WSCD2: variants seen among roughly 807,000 people sequenced by gnomAD.
WSCD2 encodes sialate:O-sulfotransferase 2.
Under a neutral mutation model 55.7 loss-of-function variants are expected in WSCD2, and 28 were observed. That is an observed-to-expected ratio of 0.50 (90% CI 0.37 to 0.69). The LOEUF (loss-of-function observed/expected upper bound fraction) is 0.69. Ranked by LOEUF, WSCD2 falls within the 30% of genes least tolerant of loss-of-function variation. The pLI is 0.00. For synonymous variants in WSCD2, 301 were observed against 301.9 expected (o/e 1.00, Z 0.03); for missense variants, 616 against 762.1 (o/e 0.81, Z 2.26).
intron 6 of WSCD2, among the ~76,000 whole-genome samples, chr12:108,232,227 C>T (rs915714536): frequency 1.3e-5 from 2 of 152,174 alleles, no homozygotes; most frequent in Admixed American, 1.3e-4. Context: ...TTCTCTAGCC[C>T]TCAGTTTTCT....
intron 1 of WSCD2, among the ~76,000 whole-genome samples, chr12:108,191,985 TAGAGA>T (rs1441533183): frequency 6.6e-6 from 1 of 152,082 alleles, no homozygotes; most frequent in Non-Finnish European, 1.5e-5. Flanking sequence ...CGCACCCACT[TAGAGA>T]AGAGATGTGT....
intron 1 of WSCD2, among the ~76,000 whole-genome samples, chr12:108,187,226 G>C (rs1244137377): frequency 6.6e-6 from 1 of 152,186 alleles, no homozygotes; most frequent in Non-Finnish European, 1.5e-5. Context: ...GTCTGCCTCT[G>C]TAAGCAAGGG....
In WSCD2 at chr12:108,239,332, TCCC is replaced by T. The variant is rs571112400; in HGVS notation, c.1145-1009_1145-1007del. On this transcript the variant is annotated intron_variant, in intron 7 of 8. Transcript: ENST00000547525. ...TTCAGTTCTATGCTTAAGCATCTCT[TCCC>T]CCAGGAAACCTTTCTGGATGCCACT... 2.5e-3 allele frequency among the ~76,000 whole-genome samples: 385 copies of T among 152,288 alleles called. 1 individual carries two copies. Among genetic ancestry groups the T allele is most frequent in the African/African-American group, 8.9e-3 (370 of 41,568 alleles).
At chr12:108,141,301 A>G (rs867840365) in intron 1 of WSCD2, among the ~76,000 whole-genome samples, 1 of 152,108 alleles carries the variant, frequency 6.6e-6, no homozygotes, top group Admixed American at 6.5e-5. Flanking sequence ...GAGTCTCACT[A>G]TATTGCCTAG....
intron 1 of WSCD2, chr12:108,131,953 T>A (rs1177663939): frequency 6.6e-6 from 1 of 152,196 alleles, no homozygotes; most frequent in African/African-American, 2.4e-5. Context: ...CAGCTGACGC[T>A]TGAGAACTAC....
At chr12:108,219,119 G>C (rs1447249095) in intron 4 of WSCD2, among the ~76,000 whole-genome samples, 2 of 152,162 alleles carry the variant, frequency 1.3e-5, no homozygotes, top group Non-Finnish European at 2.9e-5. Flanking sequence ...TCAGCCAGCT[G>C]GTTGCCAGGC....
intron 2 of WSCD2, among the ~76,000 whole-genome samples, chr12:108,204,586 C>A (rs375350871): frequency 6.6e-6 from 1 of 152,190 alleles, no homozygotes; most frequent in Non-Finnish European, 1.5e-5. Context: ...GTGGGAGGGG[C>A]GCGCGCTGTT....
chr12:108,154,836 T>C (rs1458277169), intron 1 of WSCD2, among the ~76,000 whole-genome samples: 1 of 152,248 alleles, frequency 6.6e-6, no homozygotes, highest in African/African-American at 2.4e-5. Flanking sequence ...TGCTTCATTC[T>C]AAGCAATAAT....
chr12:108,211,630 C>CAT (rs56944563), intron 4 of WSCD2, among the ~76,000 whole-genome samples: 2,191 of 138,464 alleles, frequency 0.016, 29 homozygotes, highest in African/African-American at 0.034. Context: ...TTTCAAATCC[C>CAT]ATATATATAT....
chr12:108,217,701 C>G (rs1887008871), intron 4 of WSCD2, among the ~76,000 whole-genome samples: 1 of 152,210 alleles, frequency 6.6e-6, no homozygotes, highest in Non-Finnish European at 1.5e-5. Context: ...AGGAGATTAA[C>G]TGCTCCTGGA....
chr12:108,224,077 G>A (rs1044471669), intron 4 of WSCD2, among the ~76,000 whole-genome samples: 5 of 152,144 alleles, frequency 3.3e-5, no homozygotes, highest in African/African-American at 1.2e-4. Context: ...TTTTCTTAAG[G>A]GATGACTTCT....
intron 1 of WSCD2, among the ~76,000 whole-genome samples, chr12:108,190,413 C>T (rs1305090625): frequency 1.3e-5 from 2 of 152,080 alleles, no homozygotes; most frequent in African/African-American, 2.4e-5. Context: ...CCAGTCCCTC[C>T]GAACTGCCTC....
chr12:108,176,898 C>T (rs758552176), intron 1 of WSCD2, among the ~76,000 whole-genome samples: 12 of 152,072 alleles, frequency 7.9e-5, no homozygotes, highest in Non-Finnish European at 1.2e-4. Flanking sequence ...GAACAGCCCA[C>T]GTGAAAGCGA....
intron 2 of WSCD2, 76 bp from the exon 3 acceptor site, chr12:108,206,213 C>A: frequency 8.3e-7 from 1 of 1,201,818 alleles, no homozygotes; most frequent in Non-Finnish European, 1.2e-6. Flanking sequence ...TAACCAGAGA[C>A]ACATTGGTGA....
At chr12:108,154,209 G>A (rs557013742) in intron 1 of WSCD2, among the ~76,000 whole-genome samples, 3 of 152,218 alleles carry the variant, frequency 2.0e-5, no homozygotes, top group Admixed American at 1.3e-4. Flanking sequence ...AAAACAGCAC[G>A]CATTTATTCT....
Position 108,129,394 on chromosome 12 carries a change from CGA to C in WSCD2, c.-1076_-1075del, listed in dbSNP as rs1472403984. On this transcript the variant is annotated 5_prime_UTR_variant, in exon 1 of 9. Transcript: ENST00000547525. ...AGCCAAGGAGGCAGCGGCGAGGCAG[CGA>C]GAGAGAGCCAGGCGGCCGGAGCTCC... The C allele has an allele frequency of 6.6e-6, 1 of 151,672 alleles. No homozygotes were observed. 9.4% of individuals were successfully genotyped at this position (151,672 alleles called of 1,614,324 possible).
At chr12:108,130,113 T>C (rs1875332067) in intron 1 of WSCD2, among the ~76,000 whole-genome samples, 187 bp downstream of exon 1, 1 of 152,188 alleles carries the variant, frequency 6.6e-6, no homozygotes, top group African/African-American at 2.4e-5. Context: ...CAGCTCTGCG[T>C]AGATGACAAA....
intron 1 of WSCD2, among the ~76,000 whole-genome samples, chr12:108,133,418 A>T (rs1228890725): frequency 2.0e-5 from 3 of 152,040 alleles, no homozygotes; most frequent in African/African-American, 7.2e-5. Flanking sequence ...TTTGTACAGC[A>T]GTGTAACTTT....
At chr12:108,173,131 T>C (rs1382813001) in intron 1 of WSCD2, among the ~76,000 whole-genome samples, 2 of 152,156 alleles carry the variant, frequency 1.3e-5, no homozygotes, top group Non-Finnish European at 2.9e-5. Context: ...GTGTGTTGTT[T>C]AAGCCCTCCA....
Sources: gnomAD v4.1 joint callset for allele counts (sites outside exome capture counted in the v4.1 genomes callset) on GRCh38, gnomAD v4.1.1 for gene constraint, MANE v1.5 for transcripts, NCBI Gene and HGNC (gene_info 2026-07-23, HGNC 2026-07-21) for gene names.